The following ADAM9 variants were observed in gnomAD, a reference collection of about 807,000 sequenced individuals.
The protein encoded by ADAM9 is ADAM metallopeptidase domain 9, also known as disintegrin and metalloproteinase domain-containing protein 9.
ADAM9 carries 54 observed loss-of-function variants against 108.1 expected under a neutral mutation model. That is an observed-to-expected ratio of 0.50 (90% CI 0.40 to 0.63). ADAM9 has a LOEUF of 0.63. ADAM9 is among the 20% of genes least tolerant of loss of function. ADAM9 has a pLI of 0.00. For missense variants in ADAM9, 830 were observed against 997.7 expected (o/e 0.83, Z 2.26); for synonymous variants, 316 against 336.0 (o/e 0.94, Z 0.65).
rs540345385 is a variant in ADAM9, at chr8:39,039,385, T to C, written c.1131-2561T>C. ...GATTAACACATCCATCATTCCACAT[T>C]GTTGCCCATTTTTTGTGTGTGTGGC... is the stretch of plus-strand genomic sequence containing the variant. On this transcript the variant is annotated intron_variant, in intron 11 of 21. Transcript: ENST00000487273. Among the ~76,000 whole-genome samples the C allele has an allele frequency of 1.4e-4, 21 of 152,346 alleles. 1 individual carries two copies. In the South Asian group the frequency reaches 4.3e-3, roughly 32 times the overall value.
intron 11 of ADAM9, among the ~76,000 whole-genome samples, chr8:39,033,009 C>A (rs992241186): frequency 1.3e-5 from 2 of 152,168 alleles, no homozygotes; most frequent in Non-Finnish European, 2.9e-5. Context: ...ATGTATAGAT[C>A]AAGTTGGGGA....
At chr8:39,093,239 T>G (rs1839406084) in intron 20 of ADAM9, among the ~76,000 whole-genome samples, 1 of 152,256 alleles carries the variant, frequency 6.6e-6, no homozygotes, top group African/African-American at 2.4e-5. Flanking sequence ...TATCTTTCCA[T>G]TTATTTATGT....
At chr8:38,999,104 T>C (rs1010819634) in intron 1 of ADAM9, among the ~76,000 whole-genome samples, 2 of 152,106 alleles carry the variant, frequency 1.3e-5, no homozygotes, top group Non-Finnish European at 2.9e-5. Flanking sequence ...CTTGTTTCTC[T>C]CGGGGAACGT....
intron 2 of ADAM9, 62 bp downstream of exon 2, chr8:39,008,045 A>G (rs956396264): frequency 6.3e-6 from 8 of 1,269,868 alleles, no homozygotes; most frequent in African/African-American, 1.5e-5. Context: ...TTTTAGCACA[A>G]AGGTGTTATT....
intron 14 of ADAM9, among the ~76,000 whole-genome samples, chr8:39,069,817 T>C (rs557968227): frequency 1.3e-5 from 2 of 152,332 alleles, no homozygotes; most frequent in Admixed American, 1.3e-4. Flanking sequence ...TTTCCTCTAC[T>C]GTCAATATTC....
intron 16 of ADAM9, among the ~76,000 whole-genome samples, chr8:39,077,730 G>C (rs1281333864): frequency 6.6e-6 from 1 of 152,124 alleles, no homozygotes; most frequent in Admixed American, 6.5e-5. Context: ...CAGGGTGTGT[G>C]TCTGTGTACT....
chr8:39,045,300 A>ATG (rs1424163500), intron 12 of ADAM9, among the ~76,000 whole-genome samples: 8 of 104,082 alleles, frequency 7.7e-5, no homozygotes, highest in Non-Finnish European at 1.2e-4. Flanking sequence ...GTGTACACCT[A>ATG]TACATGTGTG....
chr8:39,023,346 T>A, intron 9 of ADAM9, 21 bp downstream of exon 9: 1 of 1,595,602 alleles, frequency 6.3e-7, no homozygotes, highest in Non-Finnish European at 8.5e-7. Flanking sequence ...TTTTTTTAAG[T>A]ACTATTAATG....
At chr8:39,021,503 C>T (rs192061338) in intron 7 of ADAM9, 140 bp from the exon 8 acceptor site, 132 of 732,322 alleles carry the variant, frequency 1.8e-4, no homozygotes, top group African/African-American at 1.7e-3. Context: ...AGGCTGGTCT[C>T]GAACTCCTGA....
At chr8:39,034,841 T>G (rs1837217836) in intron 11 of ADAM9, among the ~76,000 whole-genome samples, 1 of 152,190 alleles carries the variant, frequency 6.6e-6, no homozygotes, top group Non-Finnish European at 1.5e-5. Context: ...ATCATGTTCC[T>G]GTTGTAGAAA....
chr8:39,035,116 T>G (rs1837227836), intron 11 of ADAM9, among the ~76,000 whole-genome samples: 1 of 152,180 alleles, frequency 6.6e-6, no homozygotes, highest in South Asian at 2.1e-4. Context: ...GTCTCTTAGT[T>G]TTTTAAATAT....
Position 39,096,126 on chromosome 8 carries a change from A to G in ADAM9, c.2298+4780A>G, listed in dbSNP as rs1021220045. ...AATAGTTGTACATATCACATGGGGTACATGTGATATTTTGAAACAAGCATA... is the reference window on the plus strand; with the variant it reads ...AATAGTTGTACATATCACATGGGGTGCATGTGATATTTTGAAACAAGCATA... On this transcript the variant is annotated intron_variant, in intron 20 of 21. Coordinates refer to ENST00000487273, the MANE Select transcript of ADAM9 (RefSeq NM_003816.3). Among the ~76,000 whole-genome samples the G allele has an allele frequency of 2.2e-4, 28 of 126,168 alleles. 1 individual carries two copies. The highest frequency in any genetic ancestry group is 6.5e-4 in the African/African-American group (26 of 39,792). The allele number at this position is 126,168 out of a possible 152,430, so 82.8% of individuals were successfully genotyped here.
chr8:39,055,857 T>A, intron 14 of ADAM9, 85 bp downstream of exon 14: 5 of 1,362,920 alleles, frequency 3.7e-6, no homozygotes, highest in Non-Finnish European at 5.0e-6. Context: ...GAAACATTAT[T>A]GATAAAGTTG....
intron 2 of ADAM9, among the ~76,000 whole-genome samples, chr8:39,009,943 A>AAAAAAC (rs1836296943): frequency 2.8e-5 from 3 of 106,192 alleles, no homozygotes; most frequent in Non-Finnish European, 3.5e-5. Flanking sequence ...ACAAAAACAA[A>AAAAAAC]AACAACAACA....
At chr8:39,002,728 C>T (rs1015017259) in intron 1 of ADAM9, among the ~76,000 whole-genome samples, 8 of 152,302 alleles carry the variant, frequency 5.3e-5, no homozygotes, top group South Asian at 2.1e-4. Flanking sequence ...GAAAGATCTA[C>T]GGAGTTAGAG....
intron 20 of ADAM9, among the ~76,000 whole-genome samples, chr8:39,093,738 C>T (rs1839419907): frequency 6.6e-6 from 1 of 152,064 alleles, no homozygotes. Flanking sequence ...GATGTACAGC[C>T]TTTATTGTTC....
chr8:39,054,602 GAAAAAAAAAA>G, intron 13 of ADAM9, 29 bp downstream of exon 13: 1 of 944,766 alleles, frequency 1.1e-6, no homozygotes, highest in East Asian at 3.4e-5. Context: ...TTGGAAACAG[GAAAAAAAAAA>G]AAAAAAAAAA....
Position 39,103,951 on chromosome 8 carries a change from C to T in ADAM9, c.*251C>T, listed in dbSNP as rs919016612. On this transcript the variant is annotated 3_prime_UTR_variant, in exon 22 of 22. Transcript: ENST00000487273. ...CATTGAATAAGTCTTATTCAGTCAT[C>T]GGTGAGGTTAATGCACTAATCATGG... The T allele has an allele frequency of 1.9e-5, 12 of 642,164 alleles. No homozygotes were observed. Among genetic ancestry groups the T allele is most frequent in the East Asian group, 1.3e-4 (4 of 31,868 alleles). 39.8% of individuals were successfully genotyped at this position (642,164 alleles called of 1,614,324 possible). A position where few individuals can be genotyped will look rare whatever the true frequency, so the allele number is the denominator to read the frequency against.
intron 4 of ADAM9, chr8:39,014,773 T>C: frequency 2.1e-6 from 1 of 471,220 alleles, no homozygotes; most frequent in African/African-American, 2.0e-5. Context: ...TTGAATTGTT[T>C]CTGTTGGTAG....
Sources: gnomAD v4.1 joint callset for allele counts (sites outside exome capture counted in the v4.1 genomes callset) on GRCh38, gnomAD v4.1.1 for gene constraint, MANE v1.5 for transcripts, NCBI Gene and HGNC (gene_info 2026-07-23, HGNC 2026-07-21) for gene names.